PCDHA2: variants seen among roughly 807,000 people sequenced by gnomAD.
PCDHA2 encodes protocadherin alpha 2, also known as protocadherin alpha-2.
Under a neutral mutation model 66.0 loss-of-function variants are expected in PCDHA2, and 58 were observed. The ratio of observed to expected loss-of-function variants is 0.88; its 90% CI spans 0.71 to 1.09. The LOEUF is 1.09. Ranked by LOEUF, PCDHA2 falls within the 50% of genes least tolerant of loss-of-function variation. The pLI is 0.00. For missense variants in PCDHA2, 1,267 were observed against 1,242.3 expected (o/e 1.02, Z -0.30); for synonymous variants, 634 against 554.0 (o/e 1.14, Z -2.03).
chr5:140,946,611 A>AATATATATAT (rs1554217734), intron 1 of PCDHA2, among the ~76,000 whole-genome samples: 3,697 of 86,664 alleles, frequency 0.043, 168 homozygotes, highest in Non-Finnish European at 0.054. Flanking sequence ...GAAAATGTGA[A>AATATATATAT]ATATATATAT....
At chr5:140,959,999 A>G (rs564390780) in intron 1 of PCDHA2, among the ~76,000 whole-genome samples, 2 of 152,318 alleles carry the variant, frequency 1.3e-5, no homozygotes, top group African/African-American at 4.8e-5. Flanking sequence ...ATGAAATACA[A>G]ATCTATTTTG....
intron 1 of PCDHA2, chr5:140,851,015 G>A: frequency 2.1e-6 from 3 of 1,432,294 alleles, no homozygotes; most frequent in Non-Finnish European, 1.8e-6. Context: ...TTTTTTTTCT[G>A]ATAAAGTAAA....
chr5:140,829,414 G>T lies in PCDHA2; in HGVS notation c.2388+32062G>T, dbSNP rs2150167500. On this transcript the variant is annotated intron_variant, in intron 1 of 3. Transcript: ENST00000526136. ...CTTCGCTGTGGGCCACCGCCAGCTTGTCTGTGGAGGTGGCCGACATGAATG... is the reference window on the plus strand; with the variant it reads ...CTTCGCTGTGGGCCACCGCCAGCTTTTCTGTGGAGGTGGCCGACATGAATG... 5.0e-6 allele frequency: 8 copies of T among 1,614,162 alleles called. No homozygotes were observed. In the East Asian group the frequency reaches 1.8e-4, roughly 36 times the overall value.
chr5:140,796,238 T>C lies in PCDHA2; in HGVS notation c.1274T>C (p.Val425Ala). The C allele has an allele frequency of 6.2e-7, 1 of 1,614,164 alleles. No homozygotes were observed. The highest frequency in any genetic ancestry group is 1.7e-4 in the Middle Eastern group (1 of 6,048). ...AGCGTGTCAGCCTATGAGCTGGTGG[T>C]GACCGCACGGGACGGGGGCTCGCCT... ...RESVSAYELV[V>A]TARDGGSPSL... The change falls in exon 1 of 4, where the codon GTG becomes GCG. Residue 425 changes from valine to alanine, a missense_variant. Val to Ala is a moderately conservative substitution (Grantham distance 64). Transcript: ENST00000526136.
At chr5:140,927,258 T>C in intron 1 of PCDHA2, 1 of 1,613,878 alleles carries the variant, frequency 6.2e-7, no homozygotes, top group Non-Finnish European at 8.5e-7. Context: ...ACAACTCACC[T>C]CTCTTTCCTG....
At chr5:140,967,025 C>G (rs2153750258) in intron 1 of PCDHA2, 1 of 1,608,362 alleles carries the variant, frequency 6.2e-7, no homozygotes, top group Middle Eastern at 1.7e-4. Flanking sequence ...TGCGCCCAGT[C>G]CGCGCTACCT....
chr5:140,794,993 G>A lies in PCDHA2; in HGVS notation c.29G>A (p.Gly10Glu). 6.2e-7 allele frequency: 1 copy of A among 1,613,290 alleles called. No homozygotes were observed. Among genetic ancestry groups the A allele is most frequent in the South Asian group, 1.1e-5 (1 of 91,010 alleles). Residue 10 changes from glycine to glutamate, a missense_variant, in exon 1 of 4, where the codon GGG becomes GAG. Gly to Glu is a moderately conservative substitution (Grantham distance 98, BLOSUM62 -2). Coordinates refer to ENST00000526136, the MANE Select transcript of PCDHA2 (RefSeq NM_018905.3). Reference sequence around the variant, plus strand: ...GCGTCTTCTATCAGAAGGGGCCGAGGGGCCTGGACACGGCTGCTCTCGCTT... The same window carrying A: ...GCGTCTTCTATCAGAAGGGGCCGAGAGGCCTGGACACGGCTGCTCTCGCTT... MASSIRRGR[G>E]AWTRLLSLLL...
At chr5:140,963,319 G>T (rs1554226565) in intron 1 of PCDHA2, among the ~76,000 whole-genome samples, 1 of 152,174 alleles carries the variant, frequency 6.6e-6, no homozygotes, top group East Asian at 1.9e-4. Flanking sequence ...GTTTGTATTA[G>T]AATTACACAG....
intron 1 of PCDHA2, chr5:140,823,834 G>T (rs1197490910): frequency 1.9e-6 from 3 of 1,613,838 alleles, no homozygotes; most frequent in East Asian, 4.5e-5. Context: ...GGGCGCTGTG[G>T]GTCCCGAGGC....
intron 3 of PCDHA2, among the ~76,000 whole-genome samples, chr5:141,002,223 T>C (rs2098066619): frequency 6.6e-6 from 1 of 151,974 alleles, no homozygotes. Flanking sequence ...AAATGATGGG[T>C]TTTCTGGAAG....
chr5:140,829,418 G>C, intron 1 of PCDHA2: 2 of 1,614,154 alleles, frequency 1.2e-6, no homozygotes, highest in African/African-American at 1.3e-5. Context: ...CAGCTTGTCT[G>C]TGGAGGTGGC....
chr5:140,823,239 G>A, intron 1 of PCDHA2: 1 of 1,613,536 alleles, frequency 6.2e-7, no homozygotes, highest in African/African-American at 1.3e-5. Context: ...AGAACGCCCT[G>A]GTGTCCTACT....
intron 1 of PCDHA2, among the ~76,000 whole-genome samples, chr5:140,895,085 C>T (rs144485224): frequency 2.0e-5 from 3 of 152,298 alleles, no homozygotes; most frequent in Non-Finnish European, 4.4e-5. Flanking sequence ...AGTTCCTCCT[C>T]AGTATAGGGG....
At chr5:140,805,805 T>C (rs903547891) in intron 1 of PCDHA2, among the ~76,000 whole-genome samples, 5 of 152,134 alleles carry the variant, frequency 3.3e-5, no homozygotes, top group African/African-American at 7.2e-5. Flanking sequence ...TAGAAAATCA[T>C]AGAGGCTATT....
intron 1 of PCDHA2, among the ~76,000 whole-genome samples, chr5:140,837,516 C>CG (rs149634951): frequency 0.56 from 85,489 of 151,592 alleles, 24,966 homozygotes; most frequent in African/African-American, 0.67. Flanking sequence ...AAGCAGTTTA[C>CG]TTTTTTTGTA....
chr5:140,884,568 C>T (rs2060268107), intron 1 of PCDHA2: 2 of 1,614,210 alleles, frequency 1.2e-6, no homozygotes, highest in Non-Finnish European at 1.7e-6. Flanking sequence ...CCGCATAAGA[C>T]GGACCTCATG....
intron 1 of PCDHA2, chr5:140,870,954 G>T (rs1202889647): frequency 1.9e-6 from 3 of 1,613,514 alleles, no homozygotes; most frequent in African/African-American, 1.3e-5. Context: ...CGGGCGGCTC[G>T]CGCATCCCGT....
chr5:141,000,828 G>A (rs1244334845), intron 3 of PCDHA2, among the ~76,000 whole-genome samples: 2 of 151,966 alleles, frequency 1.3e-5, no homozygotes, highest in African/African-American at 4.8e-5. Flanking sequence ...GATCACTTGA[G>A]TCCAGGAGAT....
At chr5:140,880,512 C>T (rs1296325164) in intron 1 of PCDHA2, among the ~76,000 whole-genome samples, 4 of 152,314 alleles carry the variant, frequency 2.6e-5, no homozygotes, top group South Asian at 4.1e-4. Flanking sequence ...TGTTTGGTCA[C>T]ATCTCTCAAT....
Sources: gnomAD v4.1 joint callset for allele counts (sites outside exome capture counted in the v4.1 genomes callset) on GRCh38, gnomAD v4.1.1 for gene constraint, MANE v1.5 for transcripts, NCBI Gene and HGNC (gene_info 2026-07-23, HGNC 2026-07-21) for gene names.